Variants in KATNAL2 observed in about 807,000 individuals in gnomAD.
KATNAL2 encodes katanin p60 ATPase-containing subunit A-like 2.
In KATNAL2, 52 loss-of-function variants were observed where a neutral mutation model predicts 76.3. The observed-to-expected ratio is 0.68, with a 90% CI of 0.55 to 0.86. The LOEUF is 0.86. KATNAL2 is among the 40% of genes least tolerant of loss of function. The pLI, the probability that KATNAL2 is intolerant of heterozygous loss-of-function variation, is 0.00. For missense variants in KATNAL2, 660 were observed against 668.9 expected (o/e 0.99, Z 0.15); for synonymous variants, 243 against 244.2 (o/e 1.00, Z 0.05).
At chr18:47,033,823 T>C (rs1290172372) in intron 3 of KATNAL2, 1 of 1,614,082 alleles carries the variant, frequency 6.2e-7, no homozygotes. Flanking sequence ...GGTCATGGAG[T>C]CAGAATCCGA....
At chr18:46,933,097 A>G (rs1236229682) in intron 1 of KATNAL2, among the ~76,000 whole-genome samples, 6 of 152,136 alleles carry the variant, frequency 3.9e-5, no homozygotes, top group African/African-American at 1.4e-4. Context: ...ATAAACTGCA[A>G]ATTTACCTCA....
At chr18:46,941,184 T>G (rs1182054058) in intron 1 of KATNAL2, among the ~76,000 whole-genome samples, 1 of 151,066 alleles carries the variant, frequency 6.6e-6, no homozygotes, top group African/African-American at 2.4e-5. Flanking sequence ...ATTAGTCAGG[T>G]GAGATGGCAA....
chr18:47,068,105 A>G (rs994720736), intron 11 of KATNAL2, among the ~76,000 whole-genome samples: 1 of 152,184 alleles, frequency 6.6e-6, no homozygotes, highest in Non-Finnish European at 1.5e-5. Context: ...TTATATTTTC[A>G]AGTCTTTTAC....
At chr18:47,050,565 T>C (rs2061311750) in intron 4 of KATNAL2, among the ~76,000 whole-genome samples, 1 of 152,248 alleles carries the variant, frequency 6.6e-6, no homozygotes, top group African/African-American at 2.4e-5. Context: ...GCATTTTTCC[T>C]TTCTGCCACG....
chr18:47,068,483 A>T (rs1309380741), intron 11 of KATNAL2, among the ~76,000 whole-genome samples: 1 of 152,242 alleles, frequency 6.6e-6, no homozygotes, highest in Non-Finnish European at 1.5e-5. Flanking sequence ...TTTAAAAAGG[A>T]TAGAACATCT....
At chr18:47,025,500 TCA>T (rs2060282552) in intron 3 of KATNAL2, among the ~76,000 whole-genome samples, 1 of 151,856 alleles carries the variant, frequency 6.6e-6, no homozygotes, top group African/African-American at 2.4e-5. Context: ...TCTCTCTCTC[TCA>T]GTGTGTGTGT....
intron 10 of KATNAL2, among the ~76,000 whole-genome samples, 150 bp from the exon 11 acceptor site, chr18:47,066,848 TATATATATATATATATATATATA>T (rs2061816251): frequency 6.7e-5 from 1 of 14,880 alleles, no homozygotes; most frequent in Non-Finnish European, 1.6e-4. Context: ...TATATGTGTT[TATATATATATATATATATATATA>T]TATATATATA....
chr18:46,952,162 T>G (rs1316385290), intron 3 of KATNAL2, among the ~76,000 whole-genome samples: 1 of 151,722 alleles, frequency 6.6e-6, no homozygotes, highest in East Asian at 2.0e-4. Flanking sequence ...AGCCTTGAAT[T>G]CTTGGGCACA....
In KATNAL2 at chr18:46,917,903, G is replaced by T. The variant is rs1489689226; in HGVS notation, c.-533G>T. 6.6e-6 allele frequency: 1 copy of T among 152,254 alleles called. No individual in the cohort carries two copies. Among genetic ancestry groups the T allele is most frequent in the Admixed American group, 6.5e-5 (1 of 15,282 alleles). 9.4% of individuals were successfully genotyped at this position (152,254 alleles called of 1,614,324 possible). On this transcript the variant is annotated 5_prime_UTR_variant, in exon 1 of 18. Coordinates refer to ENST00000683218, the MANE Select transcript of KATNAL2 (RefSeq NM_001387690.1). ...ACCATCCCCCAGAGTAGTTGTGGCGGAATAATCTAAATATGGGTGTTGGGT... is the reference window on the plus strand; with the variant it reads ...ACCATCCCCCAGAGTAGTTGTGGCGTAATAATCTAAATATGGGTGTTGGGT...
In KATNAL2 at chr18:47,045,611, C is replaced by T. The variant is rs1413521905; in HGVS notation, c.52-846C>T. Among the ~76,000 whole-genome samples the T allele has an allele frequency of 2.6e-5, 4 of 152,130 alleles. No homozygotes were observed. The East Asian group carries it at 7.7e-4, about 29-fold the overall frequency. ...TTGCTGGGATTACAGGTATGAGCCA[C>T]CGCACCCAGCCATTGAAAAGTGTTT... On this transcript the variant is annotated intron_variant, in intron 3 of 17. Coordinates refer to ENST00000683218, the MANE Select transcript of KATNAL2 (RefSeq NM_001387690.1).
chr18:46,923,835 G>C (rs977695663), intron 1 of KATNAL2, among the ~76,000 whole-genome samples: 2 of 152,194 alleles, frequency 1.3e-5, no homozygotes, highest in Non-Finnish European at 2.9e-5. Context: ...GTGATGATGA[G>C]CATTTTTTCA....
rs762986435 is a variant in KATNAL2, at chr18:47,090,698, G to A, written c.1212-8545G>A. ...GCACTTGATCTGGGTCTATAAACAT[G>A]ACTCGACTTTTGATAGACAAAGTGA... On this transcript the variant is annotated intron_variant, in intron 15 of 17. Transcript: ENST00000683218. Among the ~76,000 whole-genome samples the A allele has an allele frequency of 7.2e-5, 11 of 152,166 alleles. 1 individual carries two copies. Among genetic ancestry groups the A allele is most frequent in the Non-Finnish European group, 1.5e-4 (10 of 68,040 alleles).
At chr18:47,071,205 G>T (rs2061985722) in intron 13 of KATNAL2, among the ~76,000 whole-genome samples, 1 of 152,094 alleles carries the variant, frequency 6.6e-6, no homozygotes, top group Non-Finnish European at 1.5e-5. Flanking sequence ...TCACCATGTT[G>T]CCCCGGCTCC....
intron 3 of KATNAL2, chr18:47,035,342 G>C: frequency 6.2e-7 from 1 of 1,603,240 alleles, no homozygotes. Flanking sequence ...GAAGTCTGGG[G>C]TGGCCGGTCC....
intron 3 of KATNAL2, among the ~76,000 whole-genome samples, chr18:46,958,115 G>A (rs1156869003): frequency 3.9e-5 from 6 of 152,040 alleles, no homozygotes; most frequent in African/African-American, 7.2e-5. Context: ...CTTTAAACTG[G>A]GACAGCGTTT....
intron 15 of KATNAL2, 200 bp from the exon 16 acceptor site, chr18:47,099,043 C>T (rs2147432889): frequency 2.3e-6 from 1 of 437,426 alleles, no homozygotes; most frequent in East Asian, 3.6e-5. Flanking sequence ...CTCTTCCCTT[C>T]CTTCCCTCCC....
intron 3 of KATNAL2, among the ~76,000 whole-genome samples, chr18:46,961,029 A>G (rs1310916799): frequency 6.6e-6 from 1 of 152,234 alleles, no homozygotes; most frequent in African/African-American, 2.4e-5. Context: ...TCAAGCAAAC[A>G]TGGGGGACAT....
intron 17 of KATNAL2, 119 bp from the exon 18 acceptor site, chr18:47,100,747 A>T: frequency 3.2e-6 from 4 of 1,259,442 alleles, no homozygotes. Context: ...CTTTTGCTGC[A>T]TTAACAATTA....
chr18:46,961,766 C>T (rs1038735061), intron 3 of KATNAL2, among the ~76,000 whole-genome samples: 2 of 152,140 alleles, frequency 1.3e-5, no homozygotes, highest in Non-Finnish European at 2.9e-5. Context: ...AGAAAATAGT[C>T]CAAGGCCAGT....
Sources: allele counts gnomAD v4.1 joint callset (sites outside exome capture counted in the v4.1 genomes callset), GRCh38; gene constraint gnomAD v4.1.1; transcripts MANE v1.5; gene names NCBI Gene and HGNC (gene_info 2026-07-23, HGNC 2026-07-21).